Variants in FSTL4 observed in about 807,000 individuals in gnomAD.
FSTL4 encodes the protein follistatin-related protein 4.
A neutral mutation model predicts 78.2 loss-of-function variants in FSTL4; 28 were observed. That is an observed-to-expected ratio of 0.36 (90% CI 0.27 to 0.49). The LOEUF is 0.49. Among genes scored for constraint, FSTL4 ranks in the 20% least tolerant of loss-of-function variants. FSTL4 has a pLI of 0.98. For missense variants in FSTL4, 922 were observed against 1,084.9 expected (o/e 0.85, Z 2.11); for synonymous variants, 422 against 440.5 (o/e 0.96, Z 0.53).
At chr5:133,453,320 C>T (rs1167894189) in intron 3 of FSTL4, among the ~76,000 whole-genome samples, 1 of 152,158 alleles carries the variant, frequency 6.6e-6, no homozygotes, top group African/African-American at 2.4e-5. Flanking sequence ...CTTCATATGA[C>T]ATCTGAGTGT....
intron 4 of FSTL4, among the ~76,000 whole-genome samples, chr5:133,343,993 T>G (rs1754646233): frequency 6.6e-6 from 1 of 152,218 alleles, no homozygotes; most frequent in African/African-American, 2.4e-5. Context: ...ATAAATACAT[T>G]GATATTTTCA....
chr5:133,820,196 C>T, the FSTL4 span, among the ~76,000 whole-genome samples: 2 of 152,186 alleles, frequency 1.3e-5, no homozygotes, highest in African/African-American at 4.8e-5. Flanking sequence ...CACAGAGCAG[C>T]ACAGCTTCCC....
At chr5:133,714,494 GT>G in the FSTL4 span, among the ~76,000 whole-genome samples, 2 of 152,224 alleles carry the variant, frequency 1.3e-5, no homozygotes, top group Admixed American at 6.5e-5. Flanking sequence ...GCCTGGAACA[GT>G]GTCTGGTACA....
chr5:133,282,877 AG>A (rs1561655950), intron 6 of FSTL4, among the ~76,000 whole-genome samples: 1 of 152,238 alleles, frequency 6.6e-6, no homozygotes, highest in Admixed American at 6.5e-5. Context: ...CCCCTTTCCC[AG>A]GAAGACAACT....
chr5:133,829,321 G>A, the FSTL4 span, among the ~76,000 whole-genome samples: 4 of 152,168 alleles, frequency 2.6e-5, no homozygotes, highest in Non-Finnish European at 4.4e-5. Flanking sequence ...GGGAGGCAGA[G>A]GTTGCAGTGA....
At chr5:133,601,252 T>C (rs186241235) in intron 2 of FSTL4, among the ~76,000 whole-genome samples, 1 of 152,340 alleles carries the variant, frequency 6.6e-6, no homozygotes, top group East Asian at 1.9e-4. Context: ...TAAATATCGA[T>C]TGGCTTAAAA....
the FSTL4 span, among the ~76,000 whole-genome samples, chr5:133,706,656 A>G: frequency 6.6e-6 from 1 of 152,186 alleles, no homozygotes; most frequent in Non-Finnish European, 1.5e-5. Context: ...TGTGCAAATT[A>G]CAGACTTGCA....
chr5:133,444,520 T>C (rs943114841), intron 3 of FSTL4, among the ~76,000 whole-genome samples: 5 of 152,230 alleles, frequency 3.3e-5, no homozygotes, highest in Admixed American at 2.0e-4. Flanking sequence ...AGGTCTGTTA[T>C]GTCTTTTCAT....
At chr5:133,835,109 C>T in the FSTL4 span, among the ~76,000 whole-genome samples, 1 of 152,344 alleles carries the variant, frequency 6.6e-6, no homozygotes, top group East Asian at 1.9e-4. Flanking sequence ...CTCCTACACA[C>T]ACACAAAGAC....
At chr5:133,772,854 C>T in the FSTL4 span, among the ~76,000 whole-genome samples, 2 of 152,096 alleles carry the variant, frequency 1.3e-5, no homozygotes, top group Non-Finnish European at 2.9e-5. Context: ...CTCTGAGGGA[C>T]ACACACAAAC....
chr5:133,272,996 A>C (rs1752799358), intron 6 of FSTL4, among the ~76,000 whole-genome samples: 1 of 152,252 alleles, frequency 6.6e-6, no homozygotes, highest in Admixed American at 6.5e-5. Context: ...CATCCCCTGC[A>C]GGAGCAGGAC....
At chr5:133,609,912 C>G (rs1159902688) in intron 1 of FSTL4, among the ~76,000 whole-genome samples, 1 of 152,300 alleles carries the variant, frequency 6.6e-6, no homozygotes, top group East Asian at 1.9e-4. Context: ...AAGATGTGCT[C>G]TTGAAATATC....
intron 4 of FSTL4, among the ~76,000 whole-genome samples, chr5:133,335,687 G>C (rs531401498): frequency 2.0e-5 from 3 of 151,640 alleles, no homozygotes; most frequent in South Asian, 2.1e-4. Flanking sequence ...TTCTTGGGGG[G>C]GGTGGCAATC....
intron 3 of FSTL4, among the ~76,000 whole-genome samples, chr5:133,523,146 G>A (rs1036784618): frequency 5.9e-5 from 9 of 152,110 alleles, no homozygotes; most frequent in South Asian, 2.1e-4. Flanking sequence ...GACGCCAGCC[G>A]TCTCTCTCCC....
chr5:133,760,388 C>T, the FSTL4 span, among the ~76,000 whole-genome samples: 3 of 152,234 alleles, frequency 2.0e-5, no homozygotes, highest in African/African-American at 7.2e-5. Flanking sequence ...TCATGGCCTT[C>T]ACTGTCTGGT....
intron 2 of FSTL4, among the ~76,000 whole-genome samples, chr5:133,577,143 T>C (rs1218625444): frequency 6.6e-6 from 1 of 152,170 alleles, no homozygotes; most frequent in Non-Finnish European, 1.5e-5. Context: ...CAGCACACCA[T>C]GTCTGGGTCT....
the FSTL4 span, among the ~76,000 whole-genome samples, chr5:133,756,317 AG>A: frequency 6.6e-6 from 1 of 151,762 alleles, no homozygotes; most frequent in Admixed American, 6.6e-5. Context: ...AAGATGCAGA[AG>A]GGGTCTGCAG....
upstream of FSTL4, among the ~76,000 whole-genome samples, chr5:133,615,197 A>G (rs568349091): frequency 1.3e-5 from 2 of 152,348 alleles, no homozygotes; most frequent in South Asian, 2.1e-4. Flanking sequence ...AGGCTGGTCA[A>G]ACAGTGCCTA....
At chr5:133,539,560 A>G (rs867216917) in intron 3 of FSTL4, among the ~76,000 whole-genome samples, 5 of 52,756 alleles carry the variant, frequency 9.5e-5, no homozygotes, top group Middle Eastern at 0.014. Flanking sequence ...TGAGGCACAC[A>G]TCAGGTGCTG....
Sources: gnomAD v4.1 joint callset for allele counts (sites outside exome capture counted in the v4.1 genomes callset) on GRCh38, gnomAD v4.1.1 for gene constraint, MANE v1.5 for transcripts, NCBI Gene and HGNC (gene_info 2026-07-23, HGNC 2026-07-21) for gene names.